Variants in CCSER1 observed in about 807,000 individuals in gnomAD.
The protein encoded by CCSER1 is coiled-coil serine rich protein 1.
A neutral mutation model predicts 82.0 loss-of-function variants in CCSER1; 41 were observed. The observed-to-expected ratio is 0.50, with a 90% CI of 0.39 to 0.65. The LOEUF (loss-of-function observed/expected upper bound fraction) is 0.65. Among genes scored for constraint, CCSER1 ranks in the 30% least tolerant of loss-of-function variants. CCSER1 has a pLI of 0.00. For missense variants in CCSER1, 1,119 were observed against 1,064.2 expected, an observed-to-expected ratio of 1.05 and a Z score of -0.72; for synonymous variants, 414 against 383.9, an observed-to-expected ratio of 1.08 and a Z score of -0.92.
At chr4:90,822,311 T>A (rs564910631) in intron 8 of CCSER1, among the ~76,000 whole-genome samples, 1 of 152,326 alleles carries the variant, frequency 6.6e-6, no homozygotes, top group South Asian at 2.1e-4. Flanking sequence ...GTCAGCAGTT[T>A]ATATTTCTGA....
chr4:91,437,258 C>G (rs1367244552), intron 10 of CCSER1, among the ~76,000 whole-genome samples: 1 of 152,186 alleles, frequency 6.6e-6, no homozygotes, highest in Non-Finnish European at 1.5e-5. Context: ...AAGTATATCT[C>G]ATACCCTGGG....
intron 5 of CCSER1, among the ~76,000 whole-genome samples, chr4:90,605,919 C>A (rs1258623287): frequency 6.6e-6 from 1 of 151,888 alleles, no homozygotes. Context: ...TAGAATATGA[C>A]AATAACATAT....
intron 10 of CCSER1, among the ~76,000 whole-genome samples, chr4:91,527,020 A>C (rs997674494): frequency 6.7e-6 from 1 of 149,338 alleles, no homozygotes; most frequent in African/African-American, 2.5e-5. Context: ...CATCAAAAGA[A>C]GTAATGACAA....
At chr4:90,819,539 G>A (rs962395149) in intron 8 of CCSER1, among the ~76,000 whole-genome samples, 3 of 152,040 alleles carry the variant, frequency 2.0e-5, no homozygotes, top group East Asian at 3.9e-4. Flanking sequence ...TTTATTGCTG[G>A]GTGGGTAGAT....
At chr4:90,757,668 C>T (rs1397234131) in intron 7 of CCSER1, among the ~76,000 whole-genome samples, 1 of 152,178 alleles carries the variant, frequency 6.6e-6, no homozygotes, top group Non-Finnish European at 1.5e-5. Context: ...GAGTCCACAT[C>T]AAGTTCCTAA....
At chr4:90,343,618 AAAACAAAACG>A (rs1340969105) in intron 3 of CCSER1, among the ~76,000 whole-genome samples, 1 of 152,140 alleles carries the variant, frequency 6.6e-6, no homozygotes, top group Non-Finnish European at 1.5e-5. Context: ...CCTGTCCCAA[AAAACAAAACG>A]AAACAAAACA....
intron 5 of CCSER1, among the ~76,000 whole-genome samples, chr4:90,476,021 C>CGTGTGTGT (rs148001576): frequency 1.5e-4 from 22 of 148,392 alleles, no homozygotes; most frequent in Non-Finnish European, 3.1e-4. Flanking sequence ...CTTCTTTTCT[C>CGTGTGTGT]GTGTGTGTGT....
In CCSER1 at chr4:91,105,001, A is replaced by T. The variant is rs1292087559; in HGVS notation, c.2217+19007A>T. On this transcript the variant is annotated intron_variant, in intron 10 of 10. Transcript: ENST00000509176. ...GGGCTTTTAGGGTATCCTTCACCTG[A>T]ATAATATACATTGTACCCATTAAGT... Among the ~76,000 whole-genome samples, 7 of 152,170 alleles carry T rather than the reference A, an allele frequency of 4.6e-5. No individual in the cohort carries two copies. In the East Asian group the frequency reaches 1.3e-3, roughly 29 times the overall value.
intron 10 of CCSER1, among the ~76,000 whole-genome samples, chr4:91,530,732 G>A (rs183163990): frequency 7.3e-5 from 11 of 150,168 alleles, no homozygotes; most frequent in African/African-American, 1.5e-4. Flanking sequence ...TGCCCAGGGC[G>A]GACAGAGTGC....
At chr4:90,732,328 A>T (rs1338969532) in intron 7 of CCSER1, among the ~76,000 whole-genome samples, 2 of 152,086 alleles carry the variant, frequency 1.3e-5, no homozygotes, top group Admixed American at 1.3e-4. Flanking sequence ...CTACCCCTAC[A>T]TTCAGAGATT....
intron 10 of CCSER1, among the ~76,000 whole-genome samples, chr4:91,119,662 G>A (rs1238939370): frequency 6.6e-6 from 1 of 151,740 alleles, no homozygotes; most frequent in Non-Finnish European, 1.5e-5. Flanking sequence ...TTGAAATGTA[G>A]GGCTATTTAC....
intron 3 of CCSER1, among the ~76,000 whole-genome samples, chr4:90,370,619 T>C (rs1341888595): frequency 6.6e-6 from 1 of 152,138 alleles, no homozygotes; most frequent in East Asian, 1.9e-4. Context: ...ATCACAAGGT[T>C]TGCAAGGTTT....
intron 9 of CCSER1, among the ~76,000 whole-genome samples, chr4:90,969,516 A>T (rs962979426): frequency 2.6e-5 from 4 of 151,924 alleles, no homozygotes; most frequent in African/African-American, 9.7e-5. Flanking sequence ...ATTCTGAAAG[A>T]AAAAGACTGC....
intron 10 of CCSER1, among the ~76,000 whole-genome samples, chr4:91,355,439 T>A (rs13109571): frequency 6.6e-6 from 1 of 152,140 alleles, no homozygotes; most frequent in South Asian, 2.1e-4. Context: ...CACATCAGGT[T>A]GGTTATTTCC....
chr4:90,606,577 T>TA (rs1784740095), intron 5 of CCSER1, among the ~76,000 whole-genome samples: 1 of 152,222 alleles, frequency 6.6e-6, no homozygotes, highest in African/African-American at 2.4e-5. Flanking sequence ...TTTTCATTGT[T>TA]ACTGATTTTG....
intron 6 of CCSER1, among the ~76,000 whole-genome samples, chr4:90,696,933 G>GA (rs1188642786): frequency 1.3e-5 from 2 of 152,196 alleles, no homozygotes; most frequent in Admixed American, 6.6e-5. Flanking sequence ...TTACAGCTGG[G>GA]AAAAAAATGA....
chr4:90,503,511 A>G (rs1441663057), intron 5 of CCSER1, among the ~76,000 whole-genome samples: 5 of 152,136 alleles, frequency 3.3e-5, no homozygotes, highest in Admixed American at 1.3e-4. Flanking sequence ...TGCTGCACCC[A>G]TCAGCTCGTC....
rs1561385151 is a variant in CCSER1 at position 90,932,983 on chromosome 4, AG to A, written c.2172+9537del. Among the ~76,000 whole-genome samples the A allele has an allele frequency of 1.4e-4, 2 of 14,120 alleles. 1 individual carries two copies. Among genetic ancestry groups the A allele is most frequent in the Non-Finnish European group, 2.4e-4 (2 of 8,190 alleles). The allele number at this position is 14,120 out of a possible 152,430, so 9.3% of individuals were successfully genotyped here. A position where few individuals can be genotyped will look rare whatever the true frequency, so the allele number is the denominator to read the frequency against. On this transcript the variant is annotated intron_variant, in intron 9 of 10. Transcript: ENST00000509176. The stretch of plus-strand genomic sequence containing the variant: ...GAAAGAAAGAAAGAAAGAAAGAAAG[AG>A]AAAGAAAGAAAGAAAGAAAGAAAGA...
chr4:90,383,519 C>T (rs1749540331), intron 3 of CCSER1, among the ~76,000 whole-genome samples: 1 of 152,070 alleles, frequency 6.6e-6, no homozygotes, highest in East Asian at 1.9e-4. Flanking sequence ...TATATTCAAA[C>T]ATCTGGAAAA....
Sources: gnomAD v4.1 joint callset for allele counts (sites outside exome capture counted in the v4.1 genomes callset) on GRCh38, gnomAD v4.1.1 for gene constraint, MANE v1.5 for transcripts, NCBI Gene and HGNC (gene_info 2026-07-23, HGNC 2026-07-21) for gene names.